ZSWIM6: variants seen among roughly 807,000 people sequenced by gnomAD.
The protein encoded by ZSWIM6 is zinc finger SWIM domain-containing protein 6.
ZSWIM6 carries 9 observed loss-of-function variants against 113.2 expected under a neutral mutation model. The ratio of observed to expected loss-of-function variants is 0.08; its 90% CI spans 0.05 to 0.14. The LOEUF is 0.14. Among genes scored for constraint, ZSWIM6 ranks in the 10% least tolerant of loss-of-function variants. ZSWIM6 has a pLI of 1.00. For synonymous variants in ZSWIM6, 611 were observed against 606.5 expected, an observed-to-expected ratio of 1.01 and a Z score of -0.11; for missense variants, 1,162 against 1,552.2, an observed-to-expected ratio of 0.75 and a Z score of 4.22.
At position 61,521,402 on chromosome 5, in the gene ZSWIM6, C is replaced by T. The variant is rs772241805; in HGVS notation, c.1473C>T (p.Asn491=). 15 of 1,526,660 alleles carry T rather than the reference C, an allele frequency of 9.8e-6. No homozygotes were observed. The South Asian group carries it at 1.9e-4, about 19-fold the overall frequency. 94.6% of individuals were successfully genotyped at this position (1,526,660 alleles called of 1,614,324 possible). Residue 491 remains asparagine, a synonymous_variant, in exon 5 of 14, where the codon AAC becomes AAT. Coordinates refer to ENST00000252744, the MANE Select transcript of ZSWIM6 (RefSeq NM_020928.2). ...EDGNHGSELP[N]LTNALPQGAN... The stretch of plus-strand genomic sequence containing the variant: ...GAAATCATGGCAGTGAATTACCCAA[C>T]TTAACCAATGCTCTGCCTCAGGGTG...
chr5:61,387,309 C>T (rs568865271), intron 1 of ZSWIM6, among the ~76,000 whole-genome samples: 6 of 152,314 alleles, frequency 3.9e-5, no homozygotes, highest in South Asian at 2.1e-4. Context: ...ATGAAACTTA[C>T]GATTATTTTA....
intron 1 of ZSWIM6, among the ~76,000 whole-genome samples, chr5:61,383,029 G>A (rs189836778): frequency 1.3e-5 from 2 of 152,054 alleles, no homozygotes; most frequent in Admixed American, 1.3e-4. Flanking sequence ...TCAAATCATC[G>A]AATCTCATTC....
rs977760157 is a variant in ZSWIM6, at chr5:61,543,375, C to G, written c.2786-80C>G. On this transcript the variant is annotated intron_variant, in intron 13 of 13. Coordinates refer to ENST00000252744, the MANE Select transcript of ZSWIM6 (RefSeq NM_020928.2). This position sits in a 1 kb window ranked among gnomAD's most constrained non-coding sequence, Gnocchi z 4.3. ...CCTATGATGGTTAACAATGTAAACA[C>G]TGGTTGTAAAAGTCAAAATAAGGCA... is the stretch of plus-strand genomic sequence containing the variant. 1 of 1,451,914 alleles carries G rather than the reference C, an allele frequency of 6.9e-7. No individual in the cohort carries two copies. The highest frequency in any genetic ancestry group is 9.1e-7 in the Non-Finnish European group (1 of 1,095,822). The allele number at this position is 1,451,914 out of a possible 1,614,324, so 89.9% of individuals were successfully genotyped here.
At chr5:61,379,620 T>G (rs974614692) in intron 1 of ZSWIM6, among the ~76,000 whole-genome samples, 1 of 152,170 alleles carries the variant, frequency 6.6e-6, no homozygotes, top group African/African-American at 2.4e-5. Flanking sequence ...CTTTTAGGAA[T>G]TTTTCATTTC....
chr5:61,459,224 T>G (rs1747272233), intron 1 of ZSWIM6, among the ~76,000 whole-genome samples: 1 of 152,236 alleles, frequency 6.6e-6, no homozygotes, highest in South Asian at 2.1e-4. Context: ...AATAGCTTTA[T>G]TTAACAGTTA....
chr5:61,431,279 A>G (rs1031009578), intron 1 of ZSWIM6, among the ~76,000 whole-genome samples: 1 of 144,338 alleles, frequency 6.9e-6, no homozygotes, highest in African/African-American at 2.6e-5. Flanking sequence ...AGGCAGAGGC[A>G]GGGGAATCGC....
chr5:61,451,931 A>G (rs1747093926), intron 1 of ZSWIM6, among the ~76,000 whole-genome samples: 1 of 152,172 alleles, frequency 6.6e-6, no homozygotes, highest in African/African-American at 2.4e-5. Flanking sequence ...TATATGTAGT[A>G]TATATTAAAG....
At position 61,375,091 on chromosome 5, in the gene ZSWIM6, C is replaced by T. The variant is rs190453226; in HGVS notation, c.676+42143C>T. On this transcript the variant is annotated intron_variant, in intron 1 of 13. Coordinates refer to ENST00000252744, the MANE Select transcript of ZSWIM6 (RefSeq NM_020928.2). Reference sequence around the variant, plus strand: ...CGGCCCGGTTTCCCTCGGTGTGCTACTGTGCGCGCGATCCAGCACCATGGG... The same window carrying T: ...CGGCCCGGTTTCCCTCGGTGTGCTATTGTGCGCGCGATCCAGCACCATGGG... The T allele has an allele frequency of 5.6e-3, 8,990 of 1,601,624 alleles. 89 individuals are homozygous for T. The highest frequency in any genetic ancestry group is 0.028 in the South Asian group (2,503 of 90,744).
intron 1 of ZSWIM6, among the ~76,000 whole-genome samples, chr5:61,460,351 T>G (rs183561719): frequency 5.3e-4 from 81 of 152,328 alleles, no homozygotes; most frequent in Admixed American, 2.0e-3. Context: ...TGTAGACCTT[T>G]TACTAGTAAA....
At chr5:61,475,481 A>G (rs993450184) in intron 2 of ZSWIM6, among the ~76,000 whole-genome samples, 1 of 152,218 alleles carries the variant, frequency 6.6e-6, no homozygotes, top group African/African-American at 2.4e-5. Flanking sequence ...AAGCCTATCA[A>G]GGATAGATTG....
chr5:61,530,970 CAA>C (rs1008668513), intron 8 of ZSWIM6, among the ~76,000 whole-genome samples: 3 of 152,092 alleles, frequency 2.0e-5, no homozygotes, highest in Admixed American at 1.3e-4. Context: ...TTAATGGAGA[CAA>C]GAGAATGTTC....
intron 1 of ZSWIM6, among the ~76,000 whole-genome samples, chr5:61,359,526 T>C (rs1169919491): frequency 6.6e-6 from 1 of 152,062 alleles, no homozygotes; most frequent in East Asian, 1.9e-4. Flanking sequence ...ACCAGGTGAA[T>C]GAAGATGGGT....
intron 1 of ZSWIM6, chr5:61,375,300 A>C: frequency 6.2e-7 from 1 of 1,609,914 alleles, no homozygotes. Context: ...AATTTGAAGA[A>C]AAAATGAATG....
intron 1 of ZSWIM6, among the ~76,000 whole-genome samples, chr5:61,334,697 G>A (rs1012898889): frequency 6.6e-6 from 1 of 152,122 alleles, no homozygotes; most frequent in African/African-American, 2.4e-5. Context: ...TCTAGAGGGG[G>A]TTTAGCTTTT....
chr5:61,445,572 T>C (rs1256439870), intron 1 of ZSWIM6, among the ~76,000 whole-genome samples: 1 of 152,242 alleles, frequency 6.6e-6, no homozygotes, highest in African/African-American at 2.4e-5. Flanking sequence ...TGAATGTTAC[T>C]TAATTTTGAT....
intron 2 of ZSWIM6, among the ~76,000 whole-genome samples, chr5:61,478,688 AGTGTGTGTGTGTGTGTTTGTGTGT>A (rs914351389): frequency 1.1e-4 from 16 of 143,116 alleles, no homozygotes; most frequent in African/African-American, 4.2e-4. Flanking sequence ...TTTATGTGTG[AGTGTGTGTGTGTGTGTTTGTGTGT>A]GTGTGTGTGT....
intron 1 of ZSWIM6, among the ~76,000 whole-genome samples, chr5:61,426,400 A>G (rs1327078089): frequency 6.6e-6 from 1 of 152,222 alleles, no homozygotes; most frequent in African/African-American, 2.4e-5. Flanking sequence ...ACCACTTGAT[A>G]CATTTTTTTC....
At chr5:61,380,973 G>C (rs999676196) in intron 1 of ZSWIM6, among the ~76,000 whole-genome samples, 6 of 152,262 alleles carry the variant, frequency 3.9e-5, no homozygotes, top group African/African-American at 1.4e-4. Context: ...TACAGGCCAG[G>C]TGTGGTGGCT....
chr5:61,361,310 AC>A (rs1034742346), intron 1 of ZSWIM6, among the ~76,000 whole-genome samples: 25 of 151,816 alleles, frequency 1.6e-4, no homozygotes, highest in African/African-American at 6.1e-4. Context: ...TGGGATTGAA[AC>A]CCTCATCTAA....
Sources: allele counts gnomAD v4.1 joint callset (sites outside exome capture counted in the v4.1 genomes callset), GRCh38; gene constraint gnomAD v4.1.1; non-coding constraint Gnocchi (gnomAD v3.1); transcripts MANE v1.5; gene names NCBI Gene and HGNC (gene_info 2026-07-23, HGNC 2026-07-21).